The following MGST1 variants were observed in gnomAD, a reference collection of about 807,000 sequenced individuals.
MGST1 encodes microsomal glutathione S-transferase 1.
Under a neutral mutation model 8.9 loss-of-function variants are expected in MGST1, and 5 were observed. That is an observed-to-expected ratio of 0.56 (90% CI 0.29 to 1.19). MGST1 has a LOEUF of 1.19. MGST1 is among the 50% of genes most tolerant of loss of function. MGST1 has a pLI of 0.08. For missense variants in MGST1, 182 were observed against 187.4 expected, an observed-to-expected ratio of 0.97 and a Z score of 0.17; for synonymous variants, 54 against 67.8, an observed-to-expected ratio of 0.80 and a Z score of 1.00.
chr12:16,467,653 C>G (rs114547410), intron 4 of MGST1, among the ~76,000 whole-genome samples: 184 of 152,246 alleles, frequency 1.2e-3, no homozygotes, highest in African/African-American at 4.2e-3. Context: ...CATAATCATT[C>G]ACCTTCAACA....
chr12:16,418,266 A>G (rs551509942), intron 1 of MGST1, among the ~76,000 whole-genome samples: 1 of 152,316 alleles, frequency 6.6e-6, no homozygotes, highest in South Asian at 2.1e-4. Flanking sequence ...TGCACATTGT[A>G]AATGACAGAG....
chr12:16,512,669 T>G (rs1419562493), intron 4 of MGST1, among the ~76,000 whole-genome samples: 1 of 152,236 alleles, frequency 6.6e-6, no homozygotes, highest in East Asian at 1.9e-4. Context: ...TCTGTTCAAG[T>G]CAGGTCCCCT....
intron 4 of MGST1, among the ~76,000 whole-genome samples, chr12:16,457,521 A>G (rs971391388): frequency 4.6e-5 from 7 of 151,832 alleles, no homozygotes; most frequent in Non-Finnish European, 7.4e-5. Flanking sequence ...TTTATCTTAC[A>G]TTTTTCTTTT....
chr12:16,452,328 A>G (rs1197037125), intron 4 of MGST1, among the ~76,000 whole-genome samples: 1 of 151,582 alleles, frequency 6.6e-6, no homozygotes, highest in Non-Finnish European at 1.5e-5. Context: ...CACATCATAT[A>G]CTAGTGGATG....
chr12:16,469,595 A>ATTT (rs1431949611), intron 4 of MGST1, among the ~76,000 whole-genome samples: 1 of 152,184 alleles, frequency 6.6e-6, no homozygotes, highest in Non-Finnish European at 1.5e-5. Flanking sequence ...ACTTAAAGGC[A>ATTT]TTTGTGGCTA....
downstream of MGST1, among the ~76,000 whole-genome samples, chr12:16,442,656 T>C (rs188611328): frequency 4.6e-5 from 7 of 152,052 alleles, no homozygotes; most frequent in East Asian, 1.4e-3. The surrounding 1 kb of genome is among the most constrained non-coding windows in gnomAD (Gnocchi z 4.5). Context: ...GATCTACTTG[T>C]CTATTCTTTT....
In MGST1 at chr12:16,544,811, C is replaced by T. The variant is rs1174489357; in HGVS notation, n.483-44717C>T. ...TGAAAGACTTGGAATTATGAAAGTT[C>T]CATTGATGTGATAGGGAGGATGACT... On this transcript the variant is annotated intron_variant and non_coding_transcript_variant, in intron 4 of 4. Transcript: ENST00000538857. This position sits in a 1 kb window ranked among gnomAD's most constrained non-coding sequence, Gnocchi z 4.8. Among the ~76,000 whole-genome samples the T allele has an allele frequency of 6.6e-6, 1 of 151,876 alleles. No individual in the cohort carries two copies. Among genetic ancestry groups the T allele is most frequent in the Non-Finnish European group, 1.5e-5 (1 of 67,912 alleles).
intron 4 of MGST1, among the ~76,000 whole-genome samples, chr12:16,562,887 A>C (rs1048922589): frequency 6.6e-6 from 1 of 152,234 alleles, no homozygotes; most frequent in African/African-American, 2.4e-5. Context: ...AATGTGCACA[A>C]AACAGTTCTC....
At chr12:16,583,353 A>T (rs1382228689) in intron 4 of MGST1, among the ~76,000 whole-genome samples, 2 of 152,176 alleles carry the variant, frequency 1.3e-5, no homozygotes, top group Non-Finnish European at 2.9e-5. Flanking sequence ...GATAACAGTA[A>T]CATAAATTTG....
intron 1 of MGST1, among the ~76,000 whole-genome samples, chr12:16,429,178 G>A (rs1336913357): frequency 2.0e-5 from 3 of 152,016 alleles, no homozygotes; most frequent in East Asian, 1.9e-4. Context: ...TTTTCTTTGT[G>A]CCTTGCACTT....
Position 16,469,929 on chromosome 12 carries a change from G to C in MGST1, n.482+86325G>C, listed in dbSNP as rs190183604. ...TGTAAGTAAATTGAGGAAAGAGATT[G>C]TTTCATATTTCTGTTTGCACAGAAA... On this transcript the variant is annotated intron_variant and non_coding_transcript_variant, in intron 4 of 4. Coordinates refer to the MGST1 transcript ENST00000538857. 3.9e-5 allele frequency among the ~76,000 whole-genome samples: 6 copies of C among 152,276 alleles called. No individual in the cohort carries two copies. The East Asian group carries it at 1.2e-3, about 29-fold the overall frequency.
intron 1 of MGST1, among the ~76,000 whole-genome samples, chr12:16,403,798 GA>G (rs1238353983): frequency 6.6e-6 from 1 of 152,042 alleles, no homozygotes; most frequent in Non-Finnish European, 1.5e-5. Context: ...TATTCTGAGC[GA>G]AGGAAGAAGA....
chr12:16,572,339 C>CTTTTTTTTTTTTTT (rs59773866), intron 4 of MGST1, among the ~76,000 whole-genome samples: 2 of 89,530 alleles, frequency 2.2e-5, no homozygotes, highest in Non-Finnish European at 2.1e-5. Context: ...GGTCCAAACT[C>CTTTTTTTTTTTTTT]TTTTTTTTTT....
intron 4 of MGST1, among the ~76,000 whole-genome samples, chr12:16,521,948 G>A (rs1362893252): frequency 1.8e-4 from 1 of 5,610 alleles, no homozygotes; most frequent in East Asian, 0.016. Flanking sequence ...CCCCAGAAAG[G>A]TAGAAAAAAA....
intron 3 of MGST1, among the ~76,000 whole-genome samples, chr12:16,374,982 GC>G (rs1940356448): frequency 6.6e-6 from 1 of 152,156 alleles, no homozygotes; most frequent in Non-Finnish European, 1.5e-5. Flanking sequence ...CTGGGCTCAA[GC>G]GATCCTCCCT....
chr12:16,530,175 G>A (rs892710974), intron 4 of MGST1, among the ~76,000 whole-genome samples: 1 of 152,064 alleles, frequency 6.6e-6, no homozygotes, highest in Non-Finnish European at 1.5e-5. Context: ...TAATAAAAAT[G>A]ATGTTTTTAT....
At position 16,434,268 on chromosome 12, in the gene MGST1, GA is replaced by G. The variant is rs527797486; in HGVS notation, n.779-3117del. On this transcript the variant is annotated intron_variant and non_coding_transcript_variant, in intron 1 of 1. Transcript: ENST00000359720. ...AAATTGTGAAACACTATGCAAATGA[GA>G]AAGAAATGCATTTCATGAATGGTGC... 2.1e-4 allele frequency among the ~76,000 whole-genome samples: 32 copies of G among 152,194 alleles called. No individual in the cohort carries two copies. In the South Asian group the frequency reaches 6.2e-3, roughly 30 times the overall value.
chr12:16,549,274 T>C (rs1275299053), intron 4 of MGST1: 2 of 152,162 alleles, frequency 1.3e-5, no homozygotes, highest in Admixed American at 1.3e-4. Context: ...AAATAATAGT[T>C]ATTTTTGTGG....
chr12:16,504,683 T>TG (rs1350116552), intron 4 of MGST1, among the ~76,000 whole-genome samples: 1 of 152,180 alleles, frequency 6.6e-6, no homozygotes, highest in African/African-American at 2.4e-5. Flanking sequence ...TAAAGATGCT[T>TG]GGAGGACTCA....
Sources: gnomAD v4.1 joint callset for allele counts (sites outside exome capture counted in the v4.1 genomes callset) on GRCh38, gnomAD v4.1.1 for gene constraint, Gnocchi (gnomAD v3.1) non-coding constraint, MANE v1.5 for transcripts, NCBI Gene and HGNC (gene_info 2026-07-23, HGNC 2026-07-21) for gene names.